PRAMEF20: variants seen among roughly 807,000 people sequenced by gnomAD.
PRAMEF20 encodes the protein PRAME family member 20/21.
A neutral mutation model predicts 32.4 loss-of-function variants in PRAMEF20; 27 were observed. That is an observed-to-expected ratio of 0.83 (90% CI 0.61 to 1.15). PRAMEF20 has a LOEUF of 1.15. PRAMEF20 is among the 50% of genes most tolerant of loss of function. PRAMEF20 has a pLI of 0.00. For missense variants in PRAMEF20, 604 were observed against 584.5 expected (o/e 1.03, Z -0.34); for synonymous variants, 256 against 235.4 (o/e 1.09, Z -0.80).
At chr1:13,419,497 G>T (rs1282218176) in intron 2 of PRAMEF20, among the ~76,000 whole-genome samples, 1 of 151,538 alleles carries the variant, frequency 6.6e-6, no homozygotes, top group African/African-American at 2.4e-5. Flanking sequence ...GTCTTGCTCT[G>T]TCTCGCTTTA....
At chr1:13,414,801 A>ATG (rs1419074798), upstream of PRAMEF20, among the ~76,000 whole-genome samples, 17 of 151,912 alleles carry the variant, frequency 1.1e-4, no homozygotes, top group East Asian at 1.9e-3. Context: ...TATGTAATAT[A>ATG]TATATATAGA....
At chr1:13,418,054 G>A (rs1270698551) in intron 1 of PRAMEF20, 68 bp from the exon 3 acceptor site, 27 of 1,608,988 alleles carry the variant, frequency 1.7e-5, no homozygotes, top group African/African-American at 1.1e-4. Context: ...GATTACAAGC[G>A]TGAGCCACTG....
exon 2 of PRAMEF20, chr1:13,418,337 T>C (rs1641205503): frequency 3.1e-6 from 5 of 1,613,804 alleles, no homozygotes; most frequent in Non-Finnish European, 4.2e-6. Flanking sequence ...ACCTGCCTCT[T>C]TCTATGGGTC....
chr1:13,413,372 T>C (rs1027788597), upstream of PRAMEF20, among the ~76,000 whole-genome samples: 54 of 152,272 alleles, frequency 3.5e-4, no homozygotes, highest in Admixed American at 8.5e-4. Context: ...TTGTTGTTTT[T>C]GTTTTTGTTT....
At chr1:13,413,618 G>A (rs1249092608), upstream of PRAMEF20, among the ~76,000 whole-genome samples, 1 of 152,044 alleles carries the variant, frequency 6.6e-6, no homozygotes, top group African/African-American at 2.4e-5. Context: ...ACCCTTCTCA[G>A]CCCCCCAAAG....
upstream of PRAMEF20, among the ~76,000 whole-genome samples, chr1:13,415,693 G>A (rs1364450547): frequency 1.3e-5 from 2 of 151,656 alleles, no homozygotes; most frequent in Non-Finnish European, 2.9e-5. Context: ...GGGAGGCTGA[G>A]ATGGAAGAAT....
At chr1:13,416,430 T>C in exon 1 of PRAMEF20, 3 of 1,613,896 alleles carry the variant, frequency 1.9e-6, no homozygotes, top group Non-Finnish European at 2.5e-6. Context: ...CTTGGCCATC[T>C]CCACCCTGGA....
upstream of PRAMEF20, among the ~76,000 whole-genome samples, chr1:13,415,211 C>G (rs1641156920): frequency 6.6e-6 from 1 of 152,028 alleles, no homozygotes; most frequent in Non-Finnish European, 1.5e-5. Context: ...TCCCAAGTAG[C>G]TGGGATTACA....
chr1:13,416,610 G>A, exon 1 of PRAMEF20: 1 of 1,614,198 alleles, frequency 6.2e-7, no homozygotes, highest in Admixed American at 1.7e-5. Context: ...CGATGGGCTT[G>A]ATGCACTGCT....
At chr1:13,415,861 AAG>A (rs1256972701), upstream of PRAMEF20, among the ~76,000 whole-genome samples, 5 of 151,970 alleles carry the variant, frequency 3.3e-5, no homozygotes, top group Middle Eastern at 3.4e-3. Flanking sequence ...GGGAGAGAGA[AAG>A]AGAAAGAAAG....
At chr1:13,412,153 G>A (rs933082305), upstream of PRAMEF20, among the ~76,000 whole-genome samples, 4 of 151,938 alleles carry the variant, frequency 2.6e-5, no homozygotes, top group East Asian at 1.9e-4. Context: ...AAGTAGCTGC[G>A]ATTAGAGGCA....
At chr1:13,413,754 GT>G (rs1641135318), upstream of PRAMEF20, among the ~76,000 whole-genome samples, 1 of 152,082 alleles carries the variant, frequency 6.6e-6, no homozygotes, top group Non-Finnish European at 1.5e-5. Context: ...GAGGCCTGGA[GT>G]TACTGCTTGG....
chr1:13,416,216 G>T, upstream of PRAMEF20: 2 of 1,492,066 alleles, frequency 1.3e-6, no homozygotes, highest in Non-Finnish European at 1.9e-6. Flanking sequence ...GAGTAGAATT[G>T]GAGTAAACTG....
At chr1:13,421,192 C>G in exon 3 of PRAMEF20, 2 of 1,613,026 alleles carry the variant, frequency 1.2e-6, no homozygotes, top group Non-Finnish European at 1.7e-6. Context: ...TGTTCTGTAC[C>G]GACTACTGCC....
chr1:13,420,486 G>A (rs1641230487), intron 2 of PRAMEF20, among the ~76,000 whole-genome samples: 1 of 152,174 alleles, frequency 6.6e-6, no homozygotes, highest in Admixed American at 6.5e-5. Context: ...TGGGATTACA[G>A]GTGTGAGTTA....
chr1:13,417,907 AAT>A (rs1553130346), intron 1 of PRAMEF20, among the ~76,000 whole-genome samples: 4 of 44,140 alleles, frequency 9.1e-5, no homozygotes, highest in Non-Finnish European at 2.0e-4. Context: ...ACGCCCGGCT[AAT>A]TTGTGTGTGT....
At chr1:13,411,236 G>A in the PRAMEF20 span, among the ~76,000 whole-genome samples, 1 of 152,154 alleles carries the variant, frequency 6.6e-6, no homozygotes, top group Non-Finnish European at 1.5e-5. Flanking sequence ...GGCTGAGGTG[G>A]GAGAATCCCT....
At position 13,418,479 on chromosome 1, in the gene PRAMEF20, T is replaced by C. The variant is rs1028736685; in HGVS notation, c.645T>C (p.Asn215=). 7.2e-5 allele frequency: 116 copies of C among 1,613,892 alleles called. 1 individual carries two copies. The highest frequency in any genetic ancestry group is 3.3e-4 in the Admixed American group (20 of 59,982). ...TCCAGGAGGTGGAAGTGAATTGCAA[T>C]TGGACACTGCCCGTCCTGGCAGAGT... Residue 215 remains asparagine (N), a synonymous_variant, in exon 2 of 3, where the codon AAT becomes AAC. Coordinates refer to ENST00000602960, the Ensembl canonical transcript of PRAMEF20.
exon 3 of PRAMEF20, chr1:13,421,229 G>A (rs1016857044): frequency 1.6e-4 from 253 of 1,613,788 alleles, no homozygotes; most frequent in Non-Finnish European, 1.9e-4. Flanking sequence ...GTCACTTTAC[G>A]ACCTGGAGGT....
Sources: allele counts gnomAD v4.1 joint callset (sites outside exome capture counted in the v4.1 genomes callset), GRCh38; gene constraint gnomAD v4.1.1; transcripts MANE v1.5; gene names NCBI Gene and HGNC (gene_info 2026-07-23, HGNC 2026-07-21).